ULK4: variants seen among roughly 807,000 people sequenced by gnomAD.
ULK4 encodes unc-51 like kinase 4.
ULK4 carries 133 observed loss-of-function variants against 160.6 expected under a neutral mutation model. That is an observed-to-expected ratio of 0.83 (90% confidence interval 0.72 to 0.96). The LOEUF is 0.96. Among genes scored for constraint, ULK4 ranks in the 40% least tolerant of loss-of-function variants. ULK4 has a pLI of 0.00. For missense variants in ULK4, 1,580 were observed against 1,499.5 expected (o/e 1.05, Z -0.89); for synonymous variants, 534 against 539.8 (o/e 0.99, Z 0.15).
chr3:41,645,560 T>C (rs1171374273), intron 30 of ULK4, among the ~76,000 whole-genome samples: 5 of 152,168 alleles, frequency 3.3e-5, no homozygotes, highest in African/African-American at 1.2e-4. Flanking sequence ...TGAGAGACAG[T>C]TTGTTATAAT....
chr3:41,875,369 G>C (rs1251574172), intron 17 of ULK4, among the ~76,000 whole-genome samples: 1 of 151,940 alleles, frequency 6.6e-6, no homozygotes, highest in East Asian at 1.9e-4. Flanking sequence ...CCTGGCACCT[G>C]GTACACAGCA....
chr3:41,501,567 T>C (rs2085209622), intron 32 of ULK4, among the ~76,000 whole-genome samples: 1 of 152,134 alleles, frequency 6.6e-6, no homozygotes, highest in South Asian at 2.1e-4. Flanking sequence ...ATTTATAAGG[T>C]ACAATATTTT....
intron 34 of ULK4, among the ~76,000 whole-genome samples, chr3:41,400,893 T>C (rs913600138): frequency 3.9e-5 from 6 of 152,224 alleles, no homozygotes; most frequent in African/African-American, 1.4e-4. Context: ...TAGATGGTGG[T>C]ATCTCATTGT....
At chr3:41,573,074 C>T (rs564433024) in intron 31 of ULK4, among the ~76,000 whole-genome samples, 1 of 152,298 alleles carries the variant, frequency 6.6e-6, no homozygotes, top group South Asian at 2.1e-4. Flanking sequence ...TGCCTAACAC[C>T]ACAGTGCATG....
intron 12 of ULK4, among the ~76,000 whole-genome samples, chr3:41,907,313 A>T (rs372128226): frequency 1.6e-5 from 2 of 126,302 alleles, no homozygotes; most frequent in East Asian, 2.4e-4. Context: ...TTTTTTTTTT[A>T]AAGAGGTGGG....
chr3:41,539,587 T>C (rs879895380), intron 32 of ULK4, among the ~76,000 whole-genome samples: 2 of 152,134 alleles, frequency 1.3e-5, no homozygotes, highest in African/African-American at 4.8e-5. Context: ...GGATAGACTA[T>C]AGGAAAAAAA....
At chr3:41,331,934 A>G (rs1312206328) in intron 35 of ULK4, among the ~76,000 whole-genome samples, 1 of 152,220 alleles carries the variant, frequency 6.6e-6, no homozygotes, top group African/African-American at 2.4e-5. Context: ...ATTATAACTA[A>G]TAATTTATCT....
intron 27 of ULK4, among the ~76,000 whole-genome samples, chr3:41,697,967 T>C (rs2036555546): frequency 6.6e-6 from 1 of 152,182 alleles, no homozygotes; most frequent in South Asian, 2.1e-4. Context: ...AGGTGTAACA[T>C]TTATCTTTAT....
intron 22 of ULK4, among the ~76,000 whole-genome samples, chr3:41,743,023 G>C (rs1190484304): frequency 1.3e-5 from 2 of 151,742 alleles, no homozygotes; most frequent in Non-Finnish European, 2.9e-5. Flanking sequence ...CCCAAAGAGG[G>C]GAAGAGAGAG....
intron 30 of ULK4, among the ~76,000 whole-genome samples, chr3:41,619,277 AAT>A (rs1300285364): frequency 6.6e-6 from 1 of 152,162 alleles, no homozygotes; most frequent in Non-Finnish European, 1.5e-5. Context: ...AAGTGGACCT[AAT>A]AGATACCTAC....
chr3:41,457,249 C>T (rs2083575151), intron 33 of ULK4, among the ~76,000 whole-genome samples: 2 of 152,124 alleles, frequency 1.3e-5, no homozygotes, highest in East Asian at 1.9e-4. Flanking sequence ...ACGGTGCCTC[C>T]TTTCCAAACA....
At chr3:41,269,116 A>G (rs913970247) in intron 35 of ULK4, among the ~76,000 whole-genome samples, 2 of 152,094 alleles carry the variant, frequency 1.3e-5, no homozygotes, top group African/African-American at 4.8e-5. Context: ...TTTATTACAC[A>G]CCTCTGAAAT....
chr3:41,892,257 A>G (rs369386928), intron 16 of ULK4, among the ~76,000 whole-genome samples: 1 of 152,236 alleles, frequency 6.6e-6, no homozygotes, highest in East Asian at 1.9e-4. Flanking sequence ...ATCTTTCTCC[A>G]AAGAAGATAT....
intron 30 of ULK4, among the ~76,000 whole-genome samples, chr3:41,644,201 T>C (rs1326781514): frequency 5.3e-5 from 8 of 152,118 alleles, no homozygotes; most frequent in African/African-American, 1.9e-4. Flanking sequence ...TCCTGCCTAA[T>C]TGTCCTGGCC....
At chr3:41,348,709 G>A (rs555527258) in intron 35 of ULK4, among the ~76,000 whole-genome samples, 2 of 152,258 alleles carry the variant, frequency 1.3e-5, no homozygotes, top group Admixed American at 1.3e-4. Flanking sequence ...ATCAAAAGAG[G>A]TTAACAGAAG....
chr3:41,644,376 T>A (rs543828902), intron 30 of ULK4, among the ~76,000 whole-genome samples: 1 of 151,940 alleles, frequency 6.6e-6, no homozygotes, highest in Non-Finnish European at 1.5e-5. Flanking sequence ...CATCAATACC[T>A]AATTTATTGA....
intron 5 of ULK4, among the ~76,000 whole-genome samples, chr3:41,920,635 C>G (rs1039605399): frequency 2.0e-5 from 3 of 152,164 alleles, no homozygotes; most frequent in African/African-American, 7.2e-5. Flanking sequence ...TGCATTCCAT[C>G]TAACTCCCGC....
At chr3:41,580,828 A>C (rs549356260) in intron 31 of ULK4, among the ~76,000 whole-genome samples, 6 of 152,176 alleles carry the variant, frequency 3.9e-5, no homozygotes, top group Non-Finnish European at 4.4e-5. Flanking sequence ...GCTAACCTCC[A>C]AGGCCCTTTT....
intron 32 of ULK4, among the ~76,000 whole-genome samples, chr3:41,547,304 G>GT (rs2086896738): frequency 6.6e-6 from 1 of 152,208 alleles, no homozygotes; most frequent in Non-Finnish European, 1.5e-5. Context: ...GACCAAAACA[G>GT]TAAGGAGATA....
Sources: gnomAD v4.1 joint callset for allele counts (sites outside exome capture counted in the v4.1 genomes callset) on GRCh38, gnomAD v4.1.1 for gene constraint, MANE v1.5 for transcripts, NCBI Gene and HGNC (gene_info 2026-07-23, HGNC 2026-07-21) for gene names.